GTF2F2: variants seen among roughly 807,000 people sequenced by gnomAD.
The protein encoded by GTF2F2 is ATP-dependent helicase GTF2F2.
Under a neutral mutation model 42.2 loss-of-function variants are expected in GTF2F2, and 23 were observed. The observed-to-expected ratio is 0.55, with a 90% CI of 0.39 to 0.77. The LOEUF (loss-of-function observed/expected upper bound fraction) is 0.77. Among genes scored for constraint, GTF2F2 ranks in the 30% least tolerant of loss-of-function variants. The probability of loss-of-function intolerance (pLI) is 0.00; values close to 1 mark genes in which losing one functional copy is unlikely to be tolerated. For missense variants in GTF2F2, 261 were observed against 287.2 expected (o/e 0.91, Z 0.66); for synonymous variants, 105 against 100.8 (o/e 1.04, Z -0.25).
At chr13:45,257,766 A>G (rs1252296876) in intron 6 of GTF2F2, among the ~76,000 whole-genome samples, 3 of 152,196 alleles carry the variant, frequency 2.0e-5, no homozygotes, top group African/African-American at 7.2e-5. Context: ...TACTATGTAG[A>G]TTGACCCTGG....
chr13:45,133,538 C>G (rs552133369), intron 1 of GTF2F2, among the ~76,000 whole-genome samples: 34 of 152,076 alleles, frequency 2.2e-4, no homozygotes, highest in Admixed American at 2.1e-3. Context: ...AAATTCCATT[C>G]TCTGTAACTG....
chr13:45,139,186 A>C (rs948344545), intron 2 of GTF2F2, among the ~76,000 whole-genome samples: 1 of 152,186 alleles, frequency 6.6e-6, no homozygotes, highest in African/African-American at 2.4e-5. Flanking sequence ...GAAATGTAGG[A>C]TGTACCCAGC....
chr13:45,127,207 TTAAA>T (rs1243396715), intron 1 of GTF2F2, among the ~76,000 whole-genome samples: 1 of 152,186 alleles, frequency 6.6e-6, no homozygotes, highest in Non-Finnish European at 1.5e-5. Context: ...AACCTTTGAA[TTAAA>T]TAAGCTGGTG....
Position 45,252,939 on chromosome 13 carries a change from A to G in GTF2F2, c.455A>G (p.Asn152Ser), listed in dbSNP as rs1404356487. ...CAGCTGGACAAAGTTGTAACAACCA[A>G]TTACAAACCTGTTGCTAATCATCAA... ...SQQLDKVVTT[N>S]YKPVANHQYN... The change falls in exon 6 of 8, where the codon AAT becomes AGT. Residue 152 changes from asparagine to serine, a missense_variant. Asn to Ser is a conservative substitution (Grantham distance 46, BLOSUM62 1). Transcript: ENST00000340473. 3.4e-6 allele frequency: 5 copies of G among 1,476,428 alleles called. No homozygotes were observed. Among genetic ancestry groups the G allele is most frequent in the East Asian group, 2.6e-5 (1 of 38,178 alleles). 91.5% of individuals were successfully genotyped at this position (1,476,428 alleles called of 1,614,324 possible).
At chr13:45,256,814 T>TA (rs1242670595) in intron 6 of GTF2F2, among the ~76,000 whole-genome samples, 2 of 152,156 alleles carry the variant, frequency 1.3e-5, no homozygotes, top group Non-Finnish European at 2.9e-5. Context: ...TTTAACTCGA[T>TA]ATAATGTTGA....
intron 4 of GTF2F2, among the ~76,000 whole-genome samples, chr13:45,201,733 G>A (rs114207079): frequency 4.7e-4 from 72 of 152,262 alleles, no homozygotes; most frequent in African/African-American, 1.7e-3. Context: ...GCAGAAACCA[G>A]TCAACAAACC....
At chr13:45,210,832 C>G (rs758627804) in intron 5 of GTF2F2, among the ~76,000 whole-genome samples, 5 of 152,132 alleles carry the variant, frequency 3.3e-5, no homozygotes, top group Admixed American at 1.3e-4. Flanking sequence ...TGGGTGGAAT[C>G]TAAAGGGATT....
rs146125992 is a variant in GTF2F2, at chr13:45,151,006, C to A, written c.160-681C>A. ...TAATTTTTATTTTATTTCAGGGGTA[C>A]ATGTGTAGGTTTGTTACATAGGTAT... is the stretch of plus-strand genomic sequence containing the variant. On this transcript the variant is annotated intron_variant, in intron 3 of 7. Coordinates refer to ENST00000340473, the MANE Select transcript of GTF2F2 (RefSeq NM_004128.3). Among the ~76,000 whole-genome samples, 339 of 151,954 alleles carry A rather than the reference C, an allele frequency of 2.2e-3. 5 individuals are homozygous for A. The highest frequency in any genetic ancestry group is 7.7e-3 in the African/African-American group (320 of 41,424).
intron 6 of GTF2F2, among the ~76,000 whole-genome samples, chr13:45,258,241 A>C (rs1876182538): frequency 6.6e-6 from 1 of 152,068 alleles, no homozygotes; most frequent in South Asian, 2.1e-4. Context: ...AGATATTCCA[A>C]GCAGAAAAGA....
chr13:45,163,567 C>A (rs1473255902), intron 4 of GTF2F2, among the ~76,000 whole-genome samples: 5 of 151,844 alleles, frequency 3.3e-5, no homozygotes, highest in African/African-American at 1.2e-4. Flanking sequence ...ATTACTTAGT[C>A]GCGGTATTAA....
At chr13:45,207,349 T>A (rs1873457827) in intron 4 of GTF2F2, 75 bp from the exon 5 acceptor site, 5 of 803,504 alleles carry the variant, frequency 6.2e-6, no homozygotes, top group Non-Finnish European at 1.1e-5. Context: ...GTCATATTAC[T>A]GTGTTTAGTG....
chr13:45,246,184 A>G (rs1041770253), intron 5 of GTF2F2, among the ~76,000 whole-genome samples: 4 of 149,620 alleles, frequency 2.7e-5, no homozygotes, highest in Non-Finnish European at 5.9e-5. Flanking sequence ...AATTTTTTGT[A>G]TTTTTTTTAG....
chr13:45,159,968 A>G (rs898149389), intron 4 of GTF2F2, among the ~76,000 whole-genome samples: 4 of 152,208 alleles, frequency 2.6e-5, no homozygotes, highest in Admixed American at 1.3e-4. Context: ...GGTTTAAAAC[A>G]TGAATTACAC....
intron 2 of GTF2F2, among the ~76,000 whole-genome samples, chr13:45,142,396 G>A (rs2138107954): frequency 6.6e-6 from 1 of 152,254 alleles, no homozygotes; most frequent in Non-Finnish European, 1.5e-5. Flanking sequence ...TTGAACTCCT[G>A]ACCTCAAGTG....
chr13:45,178,852 C>T (rs989492504), intron 4 of GTF2F2, among the ~76,000 whole-genome samples: 4 of 152,126 alleles, frequency 2.6e-5, no homozygotes, highest in African/African-American at 7.2e-5. Flanking sequence ...ATGATGTTGA[C>T]TGGAGTTACT....
At chr13:45,200,343 T>TA (rs1319360275) in intron 4 of GTF2F2, among the ~76,000 whole-genome samples, 3 of 152,168 alleles carry the variant, frequency 2.0e-5, no homozygotes, top group Admixed American at 6.5e-5. Context: ...TATTTTTTGA[T>TA]ACAGGGTCTT....
intron 5 of GTF2F2, among the ~76,000 whole-genome samples, chr13:45,240,089 T>C (rs1472325364): frequency 1.3e-5 from 2 of 151,246 alleles, no homozygotes; most frequent in Non-Finnish European, 2.9e-5. Context: ...AATTTCTGTA[T>C]TATGTAGAGG....
intron 7 of GTF2F2, among the ~76,000 whole-genome samples, chr13:45,267,725 A>G (rs1876626857): frequency 6.6e-6 from 1 of 151,904 alleles, no homozygotes. Context: ...AACATGCCTC[A>G]TAGAAAAATC....
Position 45,174,646 on chromosome 13 carries a change from T to C in GTF2F2, c.304+22815T>C, listed in dbSNP as rs936661683. On this transcript the variant is annotated intron_variant, in intron 4 of 7. Coordinates refer to ENST00000340473, the MANE Select transcript of GTF2F2 (RefSeq NM_004128.3). ...TGTTTTCTTTTTTCTTTTTTTTTTT[T>C]TTTTTTTTTAGAAATAATAGTTTTA... Among the ~76,000 whole-genome samples, 142 of 149,876 alleles carry C rather than the reference T, an allele frequency of 9.5e-4. 1 individual carries two copies. The highest frequency in any genetic ancestry group is 3.3e-3 in the African/African-American group (135 of 41,130).
Sources: allele counts gnomAD v4.1 joint callset (sites outside exome capture counted in the v4.1 genomes callset), GRCh38; gene constraint gnomAD v4.1.1; transcripts MANE v1.5; gene names NCBI Gene and HGNC (gene_info 2026-07-23, HGNC 2026-07-21).